FILIP1L: variants seen among roughly 807,000 people sequenced by gnomAD.
The protein encoded by FILIP1L is filamin A-interacting protein 1-like.
A neutral mutation model predicts 96.6 loss-of-function variants in FILIP1L; 55 were observed. The ratio of observed to expected loss-of-function variants is 0.57; its 90% confidence interval spans 0.46 to 0.71. The LOEUF (loss-of-function observed/expected upper bound fraction) is 0.71, where lower values mean the gene tolerates loss of function less well. Among genes scored for constraint, FILIP1L ranks in the 30% least tolerant of loss-of-function variants. The pLI is 0.00. For missense variants in FILIP1L, 1,304 were observed against 1,321.2 expected, an observed-to-expected ratio of 0.99 and a Z score of 0.20; for synonymous variants, 467 against 473.9, an observed-to-expected ratio of 0.99 and a Z score of 0.19.
At chr3:99,883,452 A>G (rs7611313) in intron 4 of FILIP1L, among the ~76,000 whole-genome samples, 1,714 of 152,322 alleles carry the variant, frequency 0.011, 18 homozygotes, top group African/African-American at 0.025. Context: ...TGAACAGATT[A>G]TTTCATCATG....
At chr3:99,950,243 G>C (rs1708136485) in intron 1 of FILIP1L, among the ~76,000 whole-genome samples, 1 of 152,138 alleles carries the variant, frequency 6.6e-6, no homozygotes, top group South Asian at 2.1e-4. Context: ...TCCATGCTAT[G>C]TATCGGAAAT....
intron 1 of FILIP1L, among the ~76,000 whole-genome samples, chr3:100,064,749 C>G (rs1317925406): frequency 1.3e-5 from 2 of 152,148 alleles, no homozygotes; most frequent in Non-Finnish European, 2.9e-5. Context: ...TAAGAACATT[C>G]TAATAAGTTC....
intron 1 of FILIP1L, among the ~76,000 whole-genome samples, chr3:100,009,370 T>C (rs1710077672): frequency 6.6e-6 from 1 of 152,178 alleles, no homozygotes; most frequent in Non-Finnish European, 1.5e-5. Flanking sequence ...ATAATAATGA[T>C]AGCATTAAAA....
intron 5 of FILIP1L, among the ~76,000 whole-genome samples, chr3:99,837,222 C>A (rs1942936706): frequency 6.6e-6 from 1 of 152,132 alleles, no homozygotes; most frequent in South Asian, 2.1e-4. Flanking sequence ...CTCACTGATT[C>A]CCTCCCTGTT....
chr3:99,942,495 A>G (rs1350931189), intron 1 of FILIP1L, among the ~76,000 whole-genome samples: 1 of 152,210 alleles, frequency 6.6e-6, no homozygotes, highest in African/African-American at 2.4e-5. Context: ...AAAAGATTTG[A>G]AAGAAAGCAC....
chr3:100,024,103 A>G (rs2064875988), intron 1 of FILIP1L, among the ~76,000 whole-genome samples: 1 of 151,472 alleles, frequency 6.6e-6, no homozygotes, highest in African/African-American at 2.4e-5. Context: ...CATCTTCCAC[A>G]CTCCGTCTTC....
At chr3:99,841,717 C>T (rs1157419021) in intron 5 of FILIP1L, among the ~76,000 whole-genome samples, 1 of 152,088 alleles carries the variant, frequency 6.6e-6, no homozygotes, top group Non-Finnish European at 1.5e-5. Context: ...AAATGGCAAA[C>T]ACACATATAA....
At chr3:100,021,501 G>C (rs2064816613) in intron 1 of FILIP1L, among the ~76,000 whole-genome samples, 1 of 152,066 alleles carries the variant, frequency 6.6e-6, no homozygotes, top group Non-Finnish European at 1.5e-5. Flanking sequence ...GTAATGTTTT[G>C]TTTTACTTCA....
intron 4 of FILIP1L, among the ~76,000 whole-genome samples, chr3:99,876,618 G>A (rs1705538340): frequency 6.6e-6 from 1 of 152,172 alleles, no homozygotes; most frequent in Non-Finnish European, 1.5e-5. Context: ...CTGGGGTTTT[G>A]TGGAGACATC....
chr3:100,077,835 G>A (rs2065873829), intron 1 of FILIP1L, among the ~76,000 whole-genome samples: 1 of 152,136 alleles, frequency 6.6e-6, no homozygotes, highest in South Asian at 2.1e-4. Flanking sequence ...TTGAGCCCAG[G>A]AGGTAGAGGC....
At position 100,015,385 on chromosome 3, in the gene FILIP1L, G is replaced by A. The variant is rs568504356; in HGVS notation, c.-10-84355C>T. Among the ~76,000 whole-genome samples the A allele has an allele frequency of 1.2e-4, 19 of 152,186 alleles. No individual in the cohort carries two copies. In the South Asian group the frequency reaches 3.5e-3, roughly 28 times the overall value. Reference sequence around the variant, plus strand: ...TGGAGTATTTGAGGTGGTTTCATACGAATTTTAGGATTGCTTTTTCTATTT... The same window carrying A: ...TGGAGTATTTGAGGTGGTTTCATACAAATTTTAGGATTGCTTTTTCTATTT... On this transcript the variant is annotated intron_variant, in intron 1 of 5. Coordinates refer to ENST00000477258, the MANE Select transcript of FILIP1L (RefSeq NM_001387850.1).
intron 1 of FILIP1L, among the ~76,000 whole-genome samples, chr3:99,946,458 T>A (rs1232604281): frequency 6.6e-6 from 1 of 152,238 alleles, no homozygotes; most frequent in Non-Finnish European, 1.5e-5. Context: ...TTTCTTATTA[T>A]TGAACCTTTT....
At chr3:99,906,276 G>A (rs1706615558) in intron 4 of FILIP1L, among the ~76,000 whole-genome samples, 2 of 152,122 alleles carry the variant, frequency 1.3e-5, no homozygotes. Flanking sequence ...GTATTTCCCT[G>A]ATGATTTATA....
Position 99,849,302 on chromosome 3 carries a change from C to CG in FILIP1L, c.2373dup (p.Asp792ArgfsTer7). Reference sequence around the variant, plus strand: ...ACTTCTTTAGAAAATACTTGAGGATCGGAAATTCTTCTTCCATTGAGACTA... The same window carrying CG: ...ACTTCTTTAGAAAATACTTGAGGATCGGGAAATTCTTCTTCCATTGAGACTA... On this transcript the variant is annotated frameshift_variant, in exon 5 of 6. Coordinates refer to ENST00000477258, the MANE Select transcript of FILIP1L (RefSeq NM_001387850.1). LOFTEE classifies it high-confidence loss of function. 1 of 1,614,082 alleles carries CG rather than the reference C, an allele frequency of 6.2e-7. No individual in the cohort carries two copies. The highest frequency in any genetic ancestry group is 8.5e-7 in the Non-Finnish European group (1 of 1,180,004).
At position 99,849,212 on chromosome 3, in the gene FILIP1L, C is replaced by G. The variant is rs1035987752; in HGVS notation, c.2464G>C (p.Val822Leu). ...YKSLIPLERAVINGQLYEESE... is the reference protein window; with the variant it reads ...YKSLIPLERALINGQLYEESE... ...TCCTCATATAACTGACCATTGATGACTGCACGTTCCAGAGGAATGAGGCTC... is the reference window on the plus strand; with the variant it reads ...TCCTCATATAACTGACCATTGATGAGTGCACGTTCCAGAGGAATGAGGCTC... Residue 822 changes from valine to leucine, a missense_variant, in exon 5 of 6, where the codon GTC becomes CTC. By Grantham distance (32) the Val-to-Leu change is conservative (BLOSUM62 1). Transcript: ENST00000477258. 1.2e-6 allele frequency: 2 copies of G among 1,614,032 alleles called. No homozygotes were observed. The highest frequency in any genetic ancestry group is 1.7e-6 in the Non-Finnish European group (2 of 1,180,008).
At chr3:100,039,654 A>G (rs908536075) in intron 1 of FILIP1L, 4 of 152,208 alleles carry the variant, frequency 2.6e-5, no homozygotes, top group African/African-American at 9.6e-5. Context: ...TATATCACCA[A>G]GTAATTTTTC....
At chr3:100,014,783 A>G (rs1404800501) in intron 1 of FILIP1L, among the ~76,000 whole-genome samples, 4 of 142,982 alleles carry the variant, frequency 2.8e-5, no homozygotes, top group African/African-American at 7.8e-5. Context: ...CTCTCATTCC[A>G]TAGGTTGCAT....
chr3:99,849,970 T>C lies in FILIP1L; in HGVS notation c.1706A>G (p.Asn569Ser). The C allele has an allele frequency of 6.2e-7, 1 of 1,612,658 alleles. No individual in the cohort carries two copies. The stretch of plus-strand genomic sequence containing the variant: ...TTTCTCTTCTTCCGCTTTCAATTTG[T>C]TTTTTAAATCATCTCTCTCCTTGGT... ...SVTKERDDLKNKLKAEEEKGN... is the reference protein window; with the variant it reads ...SVTKERDDLKSKLKAEEEKGN... Residue 569 changes from asparagine (N) to serine (S), a missense_variant, in exon 5 of 6, where the codon AAC (asparagine) becomes AGC (serine). Transcript: ENST00000477258.
At chr3:99,993,904 A>T (rs141956562) in intron 1 of FILIP1L, among the ~76,000 whole-genome samples, 1 of 152,086 alleles carries the variant, frequency 6.6e-6, no homozygotes, top group African/African-American at 2.4e-5. Context: ...TTTTGTGTCT[A>T]TGTTAATCAG....
Sources: allele counts gnomAD v4.1 joint callset (sites outside exome capture counted in the v4.1 genomes callset), GRCh38; gene constraint gnomAD v4.1.1; transcripts MANE v1.5; gene names NCBI Gene and HGNC (gene_info 2026-07-23, HGNC 2026-07-21).